Variants in FBXO38 observed in about 807,000 individuals in gnomAD.
FBXO38 encodes the protein F-box only protein 38.
In FBXO38, 53 loss-of-function variants were observed where a neutral mutation model predicts 131.9. The ratio of observed to expected loss-of-function variants is 0.40; its 90% CI spans 0.32 to 0.51. FBXO38 has a LOEUF of 0.51. FBXO38 is among the 20% of genes least tolerant of loss of function. The pLI, the probability that FBXO38 is intolerant of heterozygous loss-of-function variation, is 0.53. For missense variants in FBXO38, 1,076 were observed against 1,475.6 expected (o/e 0.73, Z 4.44); for synonymous variants, 452 against 505.6 (o/e 0.89, Z 1.42).
chr5:148,414,227 C>T lies in FBXO38; in HGVS notation c.1185C>T (p.Val395=). ...GIITDIGMKA[V]NEVFSCIKYL... ...TCACTGATATAGGGATGAAAGCAGT[C>T]AATGAAGTTTTTTCCTGTATCAAAT... The change falls in exon 10 of 22, where the codon GTC becomes GTT. Residue 395 remains valine, a synonymous_variant. Coordinates refer to ENST00000340253, the MANE Select transcript of FBXO38 (RefSeq NM_205836.3). The T allele has an allele frequency of 6.2e-7, 1 of 1,612,614 alleles. No homozygotes were observed. The highest frequency in any genetic ancestry group is 8.5e-7 in the Non-Finnish European group (1 of 1,179,334).
chr5:148,385,162 A>G (rs543023482), intron 1 of FBXO38: 19 of 152,292 alleles, frequency 1.2e-4, no homozygotes, highest in African/African-American at 4.6e-4. Flanking sequence ...TTTAACTTTC[A>G]TTTTGAGAAT....
chr5:148,399,772 T>C (rs1173307949), intron 3 of FBXO38, among the ~76,000 whole-genome samples: 1 of 152,152 alleles, frequency 6.6e-6, no homozygotes, highest in East Asian at 1.9e-4. Context: ...CAATTAAGGC[T>C]TCTTTTCACT....
In FBXO38 at chr5:148,424,087, A is replaced by G; in HGVS notation, c.1708A>G (p.Ile570Val). The G allele has an allele frequency of 6.2e-7, 1 of 1,613,668 alleles. No homozygotes were observed. The highest frequency in any genetic ancestry group is 2.2e-5 in the East Asian group (1 of 44,874). Residue 570 changes from isoleucine (I) to valine (V), a missense_variant, in exon 13 of 22, where the codon ATT (isoleucine) becomes GTT (valine). By Grantham distance (29) the Ile-to-Val change is conservative (BLOSUM62 3). Transcript: ENST00000340253. Reference sequence around the variant, plus strand: ...TACTCCAGCTCACAGCCAGGCAATTATTCCTGTGGATGTTGATGAGGAACA... The same window carrying G: ...TACTCCAGCTCACAGCCAGGCAATTGTTCCTGTGGATGTTGATGAGGAACA... ...NNTPAHSQAI[I>V]PVDVDEEQAG...
At chr5:148,401,957 C>T (rs1561519515) in intron 3 of FBXO38, 25 bp from the exon 4 acceptor site, 1 of 1,564,212 alleles carries the variant, frequency 6.4e-7, no homozygotes, top group African/African-American at 1.4e-5. Flanking sequence ...ATGAACCTGG[C>T]TCTAAATACT....
At position 148,394,760 on chromosome 5, in the gene FBXO38, C is replaced by T. The variant is rs1407645661; in HGVS notation, c.-17C>T. On this transcript the variant is annotated 5_prime_UTR_variant, in exon 2 of 22. Transcript: ENST00000340253. ...AAAAGGGAAGATTTTCTCGTTGATA[C>T]TGGAGACTGCACAACAATGGGGCCA... 2.0e-6 allele frequency: 3 copies of T among 1,527,052 alleles called. No individual in the cohort carries two copies. Among genetic ancestry groups the T allele is most frequent in the Non-Finnish European group, 2.6e-6 (3 of 1,137,822 alleles). The allele number at this position is 1,527,052 out of a possible 1,614,324, so 94.6% of individuals were successfully genotyped here. A position where few individuals can be genotyped will look rare whatever the true frequency, so the allele number is the denominator to read the frequency against.
intron 6 of FBXO38, 145 bp downstream of exon 6, chr5:148,404,967 T>C: frequency 1.4e-6 from 1 of 690,946 alleles, no homozygotes. Flanking sequence ...AAGATAAATG[T>C]ACTTTTTGTT....
chr5:148,411,294 T>TA (rs1752735479), intron 9 of FBXO38, among the ~76,000 whole-genome samples: 1 of 152,200 alleles, frequency 6.6e-6, no homozygotes, highest in Non-Finnish European at 1.5e-5. Context: ...AGCATTTTCT[T>TA]ACCCATTTAC....
At chr5:148,407,782 C>T (rs758253512) in intron 7 of FBXO38, among the ~76,000 whole-genome samples, 2 of 151,674 alleles carry the variant, frequency 1.3e-5, no homozygotes, top group Admixed American at 6.6e-5. Context: ...AAAATTAGCC[C>T]GTCGTGGTGG....
chr5:148,427,973 A>G, intron 15 of FBXO38, 26 bp downstream of exon 15: 3 of 1,481,586 alleles, frequency 2.0e-6, no homozygotes, highest in Non-Finnish European at 2.7e-6. Flanking sequence ...TAGGATTAGC[A>G]ACTGCAGGGT....
chr5:148,422,656 G>A (rs959036828), intron 12 of FBXO38, among the ~76,000 whole-genome samples: 20 of 152,258 alleles, frequency 1.3e-4, no homozygotes, highest in South Asian at 8.3e-4. Flanking sequence ...TCAAATGAAT[G>A]CAATGAAAGA....
In FBXO38 at chr5:148,424,180, CAT is replaced by C; in HGVS notation, c.1738+64_1738+65del. 2.0e-6 allele frequency: 3 copies of C among 1,498,004 alleles called. No individual in the cohort carries two copies. In the Admixed American group the frequency reaches 6.2e-5, roughly 31 times the overall value. 92.8% of individuals were successfully genotyped at this position (1,498,004 alleles called of 1,614,324 possible). A position where few individuals can be genotyped will look rare whatever the true frequency, so the allele number is the denominator to read the frequency against. ...ACTACGGCCTAACTGTAATGAAGTA[CAT>C]GAGACAGCGAGAATGATTGTTTTCT... On this transcript the variant is annotated intron_variant, in intron 13 of 21. Transcript: ENST00000340253.
intron 18 of FBXO38, 77 bp from the exon 19 acceptor site, chr5:148,439,570 G>C (rs1561548831): frequency 7.2e-7 from 1 of 1,390,986 alleles, no homozygotes; most frequent in Non-Finnish European, 9.9e-7. Flanking sequence ...TCCATGGAAA[G>C]ATTGTTCAAG....
At chr5:148,407,841 C>T (rs904300406) in intron 7 of FBXO38, among the ~76,000 whole-genome samples, 6 of 151,712 alleles carry the variant, frequency 4.0e-5, no homozygotes, top group East Asian at 1.9e-4. Context: ...AGGAGAATGG[C>T]GTGAACCTGG....
chr5:148,397,933 A>G (rs1758563792), intron 2 of FBXO38, among the ~76,000 whole-genome samples: 1 of 152,208 alleles, frequency 6.6e-6, no homozygotes, highest in African/African-American at 2.4e-5. Flanking sequence ...GACTATTTAC[A>G]GAGATGTAGA....
Position 148,433,450 on chromosome 5 carries a change from G to T in FBXO38, c.2680G>T (p.Ala894Ser). ...SEVAKTKPRH[A>S]MKRKRTADKS... ...AGTAGCCAAAACAAAGCCACGTCAC[G>T]CCATGAAACGGAAGCGGACAGCAGA... Residue 894 changes from alanine (A) to serine (S), a missense_variant, in exon 16 of 22, where the codon GCC (alanine) becomes TCC (serine). Ala to Ser is a moderately conservative substitution (Grantham distance 99). Around this residue, in one of 8 missense-constraint regions of FBXO38, gnomAD observed 282 missense variants for 418.8 expected, o/e 0.67. Coordinates refer to ENST00000340253, the MANE Select transcript of FBXO38 (RefSeq NM_205836.3). 6.2e-7 allele frequency: 1 copy of T among 1,613,332 alleles called. No individual in the cohort carries two copies. The highest frequency in any genetic ancestry group is 8.5e-7 in the Non-Finnish European group (1 of 1,179,730).
rs141596818 is a variant in FBXO38 at position 148,416,891 on chromosome 5, T to C, written c.1408-103T>C. ...AAGCATTTCATAAATAAGTACTATA[T>C]AAATATTAGTTATAATGTAAAGGTG... On this transcript the variant is annotated intron_variant, in intron 11 of 21. Coordinates refer to ENST00000340253, the MANE Select transcript of FBXO38 (RefSeq NM_205836.3). 8.1e-4 allele frequency: 568 copies of C among 704,762 alleles called. 3 individuals carry two copies. The highest frequency in any genetic ancestry group is 7.5e-3 in the African/African-American group (422 of 55,976). 43.7% of individuals were successfully genotyped at this position (704,762 alleles called of 1,614,324 possible).
At chr5:148,411,715 T>C (rs1306953568) in intron 9 of FBXO38, among the ~76,000 whole-genome samples, 3 of 152,202 alleles carry the variant, frequency 2.0e-5, no homozygotes, top group Non-Finnish European at 4.4e-5. Context: ...TCTAGACAGT[T>C]TACTATTAGA....
At chr5:148,395,242 A>G (rs1023887673) in intron 2 of FBXO38, among the ~76,000 whole-genome samples, 5 of 152,142 alleles carry the variant, frequency 3.3e-5, no homozygotes, top group Admixed American at 6.6e-5. Context: ...TTACTGCATT[A>G]TAACAGTACT....
At chr5:148,417,749 AC>A (rs1421731598) in intron 12 of FBXO38, among the ~76,000 whole-genome samples, 1 of 152,168 alleles carries the variant, frequency 6.6e-6, no homozygotes, top group African/African-American at 2.4e-5. Flanking sequence ...TTGAATACTT[AC>A]GGTGTGCCAA....
Sources: gnomAD v4.1 joint callset for allele counts (sites outside exome capture counted in the v4.1 genomes callset) on GRCh38, gnomAD v4.1.1 for gene constraint, gnomAD v4.1.1 regional missense constraint, MANE v1.5 for transcripts, NCBI Gene and HGNC (gene_info 2026-07-23, HGNC 2026-07-21) for gene names.